The following SPRED2 variants were observed in gnomAD, a reference collection of about 807,000 sequenced individuals.
The protein encoded by SPRED2 is sprouty related EVH1 domain containing 2.
In SPRED2, 47 loss-of-function variants were observed where a neutral mutation model predicts 43.0. The ratio of observed to expected loss-of-function variants is 1.09; its 90% CI spans 0.87 to 1.40. The LOEUF is 1.40. Among genes scored for constraint, SPRED2 ranks in the 40% most tolerant of loss-of-function variants. The pLI is 0.00. For missense variants in SPRED2, 561 were observed against 586.4 expected, an observed-to-expected ratio of 0.96 and a Z score of 0.45; for synonymous variants, 225 against 225.7, an observed-to-expected ratio of 1.00 and a Z score of 0.03.
At position 65,318,838 on chromosome 2, in the gene SPRED2, G is replaced by C. The variant is rs570444309; in HGVS notation, c.439-1955C>G. Among the ~76,000 whole-genome samples the C allele has an allele frequency of 2.0e-5, 3 of 152,044 alleles. No homozygotes were observed. In the South Asian group the frequency reaches 6.2e-4, roughly 32 times the overall value. On this transcript the variant is annotated intron_variant, in intron 4 of 5. Coordinates refer to ENST00000356388, the MANE Select transcript of SPRED2 (RefSeq NM_181784.3). ...ATTTTTGTATTTTTTGTAGAGACGG[G>C]GGTCTTGCCAAGTTGCCCAGGCTGG...
At position 65,379,216 on chromosome 2, in the gene SPRED2, T is replaced by C. The variant is rs535165997; in HGVS notation, c.27-34320A>G. On this transcript the variant is annotated intron_variant, in intron 1 of 5. Transcript: ENST00000356388. ...TGCAGTGGATACACCAAGTGTTCCATTGAGTGTTCCCCCTCACCCACCTGA... is the reference window on the plus strand; with the variant it reads ...TGCAGTGGATACACCAAGTGTTCCACTGAGTGTTCCCCCTCACCCACCTGA... 5.3e-5 allele frequency among the ~76,000 whole-genome samples: 8 copies of C among 152,280 alleles called. No individual in the cohort carries two copies. In the South Asian group the frequency reaches 6.2e-4, roughly 12 times the overall value.
At chr2:65,329,153 A>C (rs558136069) in intron 4 of SPRED2, among the ~76,000 whole-genome samples, 1 of 152,300 alleles carries the variant, frequency 6.6e-6, no homozygotes, top group South Asian at 2.1e-4. Flanking sequence ...TCCAAGTTCT[A>C]AATATCTGTC....
intron 1 of SPRED2, among the ~76,000 whole-genome samples, chr2:65,385,367 A>G (rs772137506): frequency 5.9e-5 from 9 of 152,202 alleles, no homozygotes; most frequent in Non-Finnish European, 1.2e-4. Flanking sequence ...TCCCCTTTAC[A>G]TAAGAGGAGA....
At chr2:65,396,169 G>A (rs138596267) in intron 1 of SPRED2, among the ~76,000 whole-genome samples, 144 of 152,280 alleles carry the variant, frequency 9.5e-4, no homozygotes, top group African/African-American at 3.4e-3. Context: ...GCATGGCAAC[G>A]CAGTTAAAGG....
chr2:65,345,541 G>T (rs1296038089), intron 1 of SPRED2, among the ~76,000 whole-genome samples: 1 of 152,050 alleles, frequency 6.6e-6, no homozygotes, highest in Non-Finnish European at 1.5e-5. Context: ...GATTACAGGC[G>T]GGAGCCACCA....
intron 1 of SPRED2, among the ~76,000 whole-genome samples, chr2:65,428,134 A>G (rs1184562796): frequency 6.6e-6 from 1 of 152,224 alleles, no homozygotes; most frequent in East Asian, 1.9e-4. Flanking sequence ...CTCAGCCTGA[A>G]AGAAATCTAT....
At position 65,319,022 on chromosome 2, in the gene SPRED2, C is replaced by T. The variant is rs542036193; in HGVS notation, c.439-2139G>A. 2.0e-5 allele frequency among the ~76,000 whole-genome samples: 3 copies of T among 152,302 alleles called. No individual in the cohort carries two copies. In the East Asian group the frequency reaches 5.8e-4, roughly 29 times the overall value. ...GACAAGGGCAAAACAAATAGACTTA[C>T]AAAAGTTCTTTTTATCCTCCTCTCA... is the stretch of plus-strand genomic sequence containing the variant. On this transcript the variant is annotated intron_variant, in intron 4 of 5. Coordinates refer to ENST00000356388, the MANE Select transcript of SPRED2 (RefSeq NM_181784.3).
intron 1 of SPRED2, among the ~76,000 whole-genome samples, chr2:65,394,669 C>G (rs1675713095): frequency 6.6e-6 from 1 of 152,106 alleles, no homozygotes. Flanking sequence ...TCCCAGGCCT[C>G]CTTGCTTTTC....
chr2:65,349,165 G>A (rs1674434241), intron 1 of SPRED2, among the ~76,000 whole-genome samples: 1 of 151,942 alleles, frequency 6.6e-6, no homozygotes, highest in Non-Finnish European at 1.5e-5. Context: ...AAATTAGCTG[G>A]GCGTGGCGGT....
chr2:65,410,083 T>C (rs947936936), intron 1 of SPRED2, among the ~76,000 whole-genome samples: 3 of 150,086 alleles, frequency 2.0e-5, no homozygotes, highest in African/African-American at 7.4e-5. Flanking sequence ...TATAACATCT[T>C]GTGCAAGGCC....
At chr2:65,310,719 A>C (rs890825856), downstream of SPRED2, 1 of 283,002 alleles carries the variant, frequency 3.5e-6, no homozygotes. Flanking sequence ...AGGGCCTTGA[A>C]AAAACAGACC....
rs1553418107 is a variant in SPRED2, at chr2:65,338,163, CTCTCCCG to C, written c.205-3397_205-3391del. The stretch of plus-strand genomic sequence containing the variant: ...GAGTCCCTCTCCCTCTCCCGTCTCC[CTCTCCCG>C]TCTCCCGTCTCCCTCTCCCTCTCCC... On this transcript the variant is annotated intron_variant, in intron 2 of 5. Transcript: ENST00000356388. Among the ~76,000 whole-genome samples, 50 of 65,148 alleles carry C rather than the reference CTCTCCCG, an allele frequency of 7.7e-4. 4 individuals are homozygous for C. Among genetic ancestry groups the C allele is most frequent in the Non-Finnish European group, 1.2e-3 (33 of 27,056 alleles). 42.7% of individuals were successfully genotyped at this position (65,148 alleles called of 152,430 possible).
At chr2:65,338,920 CTGAG>C (rs1674074095) in intron 2 of SPRED2, among the ~76,000 whole-genome samples, 1 of 152,156 alleles carries the variant, frequency 6.6e-6, no homozygotes, top group Non-Finnish European at 1.5e-5. Context: ...AGCCCATCGT[CTGAG>C]ATGTGGGGAG....
chr2:65,404,095 C>T (rs963301200), intron 1 of SPRED2, among the ~76,000 whole-genome samples: 1 of 152,014 alleles, frequency 6.6e-6, no homozygotes, highest in Non-Finnish European at 1.5e-5. Flanking sequence ...GTCCCAGCTA[C>T]TCAGGAGGCT....
intron 2 of SPRED2, among the ~76,000 whole-genome samples, chr2:65,336,848 C>T (rs1029874908): frequency 2.0e-5 from 3 of 152,206 alleles, no homozygotes; most frequent in Non-Finnish European, 4.4e-5. Context: ...GTGGCTCACG[C>T]CTGTAATACC....
intron 1 of SPRED2, among the ~76,000 whole-genome samples, chr2:65,414,222 T>A (rs1469153912): frequency 6.6e-6 from 1 of 152,236 alleles, no homozygotes; most frequent in Non-Finnish European, 1.5e-5. Flanking sequence ...AATTAAGTGA[T>A]TCTTAATTTC....
chr2:65,431,698 G>T (rs1676699507), intron 1 of SPRED2, among the ~76,000 whole-genome samples: 1 of 151,954 alleles, frequency 6.6e-6, no homozygotes, highest in Non-Finnish European at 1.5e-5. Flanking sequence ...AGCGGAGACC[G>T]CCGGGAGGTC....
At chr2:65,339,940 T>C (rs991447230) in intron 2 of SPRED2, among the ~76,000 whole-genome samples, 1 of 152,150 alleles carries the variant, frequency 6.6e-6, no homozygotes, top group African/African-American at 2.4e-5. Context: ...TTTCTTTATA[T>C]ACTTCAACCA....
intron 1 of SPRED2, among the ~76,000 whole-genome samples, chr2:65,377,090 A>G (rs974511009): frequency 1.3e-5 from 2 of 152,214 alleles, no homozygotes; most frequent in African/African-American, 2.4e-5. Context: ...GGGATGTACC[A>G]TGATTTATTT....
Sources: gnomAD v4.1 joint callset for allele counts (sites outside exome capture counted in the v4.1 genomes callset) on GRCh38, gnomAD v4.1.1 for gene constraint, MANE v1.5 for transcripts, NCBI Gene and HGNC (gene_info 2026-07-23, HGNC 2026-07-21) for gene names.